Variants in PCDH15 observed in about 807,000 individuals in gnomAD.
The protein encoded by PCDH15 is protocadherin-15.
A neutral mutation model predicts 178.5 loss-of-function variants in PCDH15; 129 were observed. The observed-to-expected ratio is 0.72, with a 90% CI of 0.63 to 0.84. The LOEUF (loss-of-function observed/expected upper bound fraction) is 0.84. PCDH15 is among the 40% of genes least tolerant of loss of function. The pLI, the probability that PCDH15 is intolerant of heterozygous loss-of-function variation, is 0.00. For synonymous variants in PCDH15, 800 were observed against 732.0 expected (o/e 1.09, Z -1.50); for missense variants, 2,230 against 2,099.9 (o/e 1.06, Z -1.21).
Position 55,550,687 on chromosome 10 carries a change from T to G in PCDH15, c.-156+76938A>C, listed in dbSNP as rs1841986304. ...ATCTTTAATTAATGATTTCACTAAA[T>G]CTGTTCTCAATGAAGAAGAAATATA... On this transcript the variant is annotated intron_variant, in intron 2 of 5. Coordinates refer to the PCDH15 transcript ENST00000613346. Among the ~76,000 whole-genome samples the G allele has an allele frequency of 2.0e-5, 3 of 152,120 alleles. No homozygotes were observed. The South Asian group carries it at 6.2e-4, about 31-fold the overall frequency.
chr10:53,818,903 T>C (rs1280626107), intron 33 of PCDH15, among the ~76,000 whole-genome samples: 2 of 152,056 alleles, frequency 1.3e-5, no homozygotes, highest in Non-Finnish European at 2.9e-5. Flanking sequence ...TTAAAAAATG[T>C]TGAGGCCTTC....
At chr10:54,503,223 A>ATG (rs1318349172) in intron 3 of PCDH15, among the ~76,000 whole-genome samples, 17 of 94,682 alleles carry the variant, frequency 1.8e-4, no homozygotes, top group African/African-American at 2.8e-4. Context: ...ATATACATAT[A>ATG]TATGTGTGTG....
chr10:54,615,631 ACAT>A (rs2093116637), intron 2 of PCDH15, among the ~76,000 whole-genome samples: 1 of 152,060 alleles, frequency 6.6e-6, no homozygotes, highest in African/African-American at 2.4e-5. Context: ...CTCTATAAAA[ACAT>A]CATAGACTTT....
chr10:54,163,981 A>G (rs991812398), intron 13 of PCDH15, among the ~76,000 whole-genome samples: 1 of 152,172 alleles, frequency 6.6e-6, no homozygotes, highest in African/African-American at 2.4e-5. Flanking sequence ...ATTTCTATGA[A>G]CTAGGAAACA....
chr10:53,829,745 T>C (rs1369896100), intron 30 of PCDH15, among the ~76,000 whole-genome samples: 1 of 152,150 alleles, frequency 6.6e-6, no homozygotes, highest in African/African-American at 2.4e-5. Context: ...AATGACCTGC[T>C]TGAAAAATAT....
At chr10:53,860,194 G>A (rs1293645040) in intron 27 of PCDH15, among the ~76,000 whole-genome samples, 1 of 152,120 alleles carries the variant, frequency 6.6e-6, no homozygotes, top group African/African-American at 2.4e-5. Flanking sequence ...TGTTCTATTT[G>A]TGTGGAAAAT....
Position 53,803,124 on chromosome 10 carries a change from ACTAT to A in PCDH15, c.*3451_*3454del, listed in dbSNP as rs1349520263. On this transcript the variant is annotated 3_prime_UTR_variant, in exon 38 of 38. Coordinates refer to ENST00000644397, the MANE Select transcript of PCDH15 (RefSeq NM_001384140.1). ...ACATACCATTTGGGAATAGAAAGAA[ACTAT>A]CTATAAAATGTGTAAGTCCTCAACA... The A allele has an allele frequency of 6.6e-6, 1 of 151,974 alleles. No homozygotes were observed. Among genetic ancestry groups the A allele is most frequent in the East Asian group, 1.9e-4 (1 of 5,194 alleles). The allele number at this position is 151,974 out of a possible 1,614,324, so 9.4% of individuals were successfully genotyped here. A position where few individuals can be genotyped will look rare whatever the true frequency, so the allele number is the denominator to read the frequency against.
intron 2 of PCDH15, among the ~76,000 whole-genome samples, chr10:55,557,425 T>C (rs1057491031): frequency 1.3e-5 from 2 of 152,124 alleles, no homozygotes; most frequent in African/African-American, 4.8e-5. Context: ...AATCAACAAG[T>C]TAAATGTAGG....
At chr10:54,329,562 C>T (rs775727181) in intron 7 of PCDH15, 34 bp downstream of exon 7, 1 of 1,461,204 alleles carries the variant, frequency 6.8e-7, no homozygotes, top group Non-Finnish European at 9.6e-7. Context: ...TTCATAAATT[C>T]ACAGAAGAAA....
chr10:54,504,359 G>C (rs1380412837), intron 3 of PCDH15, among the ~76,000 whole-genome samples: 2 of 152,022 alleles, frequency 1.3e-5, no homozygotes, highest in Admixed American at 1.3e-4. Context: ...TCACAACCCT[G>C]TTCAGGTATT....
chr10:53,891,234 A>G (rs982174005), intron 26 of PCDH15, among the ~76,000 whole-genome samples: 7 of 152,180 alleles, frequency 4.6e-5, no homozygotes, highest in African/African-American at 1.7e-4. Flanking sequence ...TGTGCCTTGC[A>G]ATGCAGCCTT....
intron 3 of PCDH15, among the ~76,000 whole-genome samples, chr10:54,471,380 T>C (rs1003010804): frequency 6.6e-6 from 1 of 152,150 alleles, no homozygotes; most frequent in African/African-American, 2.4e-5. Flanking sequence ...CTGTATTTTT[T>C]CTAAAAACGC....
intron 21 of PCDH15, among the ~76,000 whole-genome samples, chr10:53,982,815 T>TACA (rs1191147922): frequency 2.0e-5 from 3 of 151,404 alleles, no homozygotes; most frequent in African/African-American, 7.3e-5. Context: ...AAACTTAAAG[T>TACA]ATAATAATAA....
intron 1 of PCDH15, among the ~76,000 whole-genome samples, chr10:55,242,291 G>A (rs1459676902): frequency 6.6e-6 from 1 of 152,018 alleles, no homozygotes; most frequent in East Asian, 1.9e-4. Context: ...CTGCTTGTAT[G>A]TGCAAAGATA....
chr10:55,366,594 G>T (rs1449857062), intron 2 of PCDH15, among the ~76,000 whole-genome samples: 2 of 152,088 alleles, frequency 1.3e-5, no homozygotes, highest in African/African-American at 4.8e-5. Context: ...GCTAACTATA[G>T]TAGGCTGAAA....
chr10:53,823,916 A>C (rs1378864564), intron 32 of PCDH15: 2 of 383,618 alleles, frequency 5.2e-6, no homozygotes, highest in African/African-American at 2.1e-5. Context: ...ACAGCCCAAA[A>C]ATCACAATTG....
At chr10:54,045,771 T>C (rs2093642792) in intron 18 of PCDH15, among the ~76,000 whole-genome samples, 1 of 152,158 alleles carries the variant, frequency 6.6e-6, no homozygotes, top group Non-Finnish European at 1.5e-5. Context: ...CTTCATGACC[T>C]GAGGAAGTAG....
intron 13 of PCDH15, among the ~76,000 whole-genome samples, chr10:54,176,193 T>C (rs1427899369): frequency 6.6e-6 from 1 of 152,170 alleles, no homozygotes; most frequent in African/African-American, 2.4e-5. Flanking sequence ...ATTCCTACTG[T>C]GTGTAAGTCA....
intron 20 of PCDH15, 137 bp downstream of exon 20, chr10:54,020,055 A>G: frequency 1.4e-6 from 1 of 717,156 alleles, no homozygotes; most frequent in Non-Finnish European, 2.4e-6. Context: ...TTTCCATTGG[A>G]AAATCTATGT....
Sources: gnomAD v4.1 joint callset for allele counts (sites outside exome capture counted in the v4.1 genomes callset) on GRCh38, gnomAD v4.1.1 for gene constraint, MANE v1.5 for transcripts, NCBI Gene and HGNC (gene_info 2026-07-23, HGNC 2026-07-21) for gene names.